The following ANKRD42 variants were observed in gnomAD, a reference collection of about 807,000 sequenced individuals.
The protein encoded by ANKRD42 is ankyrin repeat domain 42, also known as ankyrin repeat domain-containing protein 42.
Under a neutral mutation model 51.5 loss-of-function variants are expected in ANKRD42, and 43 were observed. That is an observed-to-expected ratio of 0.83 (90% CI 0.65 to 1.08). The LOEUF is 1.08. ANKRD42 is among the 50% of genes least tolerant of loss of function. The probability of loss-of-function intolerance (pLI) is 0.00; values close to 1 mark genes in which losing one functional copy is unlikely to be tolerated. For synonymous variants in ANKRD42, 203 were observed against 213.0 expected (o/e 0.95, Z 0.41); for missense variants, 608 against 629.3 (o/e 0.97, Z 0.36).
At chr11:83,205,225 C>A (rs759595763) in intron 2 of ANKRD42, among the ~76,000 whole-genome samples, 4 of 152,108 alleles carry the variant, frequency 2.6e-5, no homozygotes, top group Non-Finnish European at 5.9e-5. Context: ...TTCTCTAGTA[C>A]CTGAACAATG....
In ANKRD42 at chr11:83,244,997, C is replaced by T. The variant is rs181318877; in HGVS notation, c.1196-501C>T. ...TCGGCTCACTGCAGTCTCTGCCTCC[C>T]GGGTTCAAGTGATTTTCCTGCCTCA... On this transcript the variant is annotated intron_variant, in intron 9 of 10. Transcript: ENST00000533342. Among the ~76,000 whole-genome samples the T allele has an allele frequency of 2.6e-3, 389 of 152,082 alleles. 2 individuals carry two copies. The highest frequency in any genetic ancestry group is 8.5e-3 in the African/African-American group (353 of 41,468).
chr11:83,222,796 C>T (rs1862754567), intron 5 of ANKRD42, among the ~76,000 whole-genome samples: 1 of 152,164 alleles, frequency 6.6e-6, no homozygotes, highest in African/African-American at 2.4e-5. Context: ...TCTTTCCTGT[C>T]TTTCTCATTG....
chr11:83,210,368 T>C lies in ANKRD42; in HGVS notation c.399T>C (p.Ala133=), dbSNP rs371499312. The change falls in exon 4 of 11, where the codon GCT becomes GCC. Residue 133 remains alanine (A), a synonymous_variant. Coordinates refer to ENST00000533342, the MANE Select transcript of ANKRD42 (RefSeq NM_001300975.2). ...GGGGATGCACTCCTTTACATCTTGC[T>C]GCAACTCATGGACATTCTTTCACTT... ...DDRGCTPLHL[A]ATHGHSFTLQ... The C allele has an allele frequency of 6.2e-7, 1 of 1,614,076 alleles. No individual in the cohort carries two copies. Among genetic ancestry groups the C allele is most frequent in the South Asian group, 1.1e-5 (1 of 91,084 alleles).
intron 5 of ANKRD42, among the ~76,000 whole-genome samples, chr11:83,224,295 AATTTTACTTATTT>A (rs1232848511): frequency 2.0e-5 from 3 of 152,068 alleles, no homozygotes; most frequent in African/African-American, 7.2e-5. Context: ...CAAAATATTA[AATTTTACTTATTT>A]ATTTTACTTA....
Position 83,194,281 on chromosome 11 carries a change from A to G in ANKRD42, c.-390A>G. 1 of 479,296 alleles carries G rather than the reference A, an allele frequency of 2.1e-6. No individual in the cohort carries two copies. Among genetic ancestry groups the G allele is most frequent in the Non-Finnish European group, 4.1e-6 (1 of 242,424 alleles). The allele number at this position is 479,296 out of a possible 1,614,324, so 29.7% of individuals were successfully genotyped here. On this transcript the variant is annotated 5_prime_UTR_variant, in exon 1 of 11. Coordinates refer to ENST00000533342, the MANE Select transcript of ANKRD42 (RefSeq NM_001300975.2). ...CAGTGACATTCGGGACCCGCGAACT[A>G]GTGACTTCGGGGATAGAGTCAGTGA...
At chr11:83,198,247 C>T (rs1861736056) in intron 1 of ANKRD42, among the ~76,000 whole-genome samples, 1 of 152,142 alleles carries the variant, frequency 6.6e-6, no homozygotes, top group East Asian at 1.9e-4. Flanking sequence ...AAAAGTTGTT[C>T]ATTTTCTGTT....
At chr11:83,220,577 G>C (rs553659008) in intron 5 of ANKRD42, among the ~76,000 whole-genome samples, 10 of 152,292 alleles carry the variant, frequency 6.6e-5, no homozygotes, top group African/African-American at 2.4e-4. Flanking sequence ...AAAGTACAAA[G>C]CTTCCACGGC....
At chr11:83,226,781 CAAAGTGAG>C (rs1156390084) in intron 6 of ANKRD42, among the ~76,000 whole-genome samples, 7 of 144,512 alleles carry the variant, frequency 4.8e-5, no homozygotes, top group Non-Finnish European at 7.5e-5. Context: ...ACCTCAGTGA[CAAAGTGAG>C]ACCCTGCCTC....
intron 9 of ANKRD42, among the ~76,000 whole-genome samples, chr11:83,245,065 G>A (rs930930052): frequency 3.3e-5 from 5 of 152,040 alleles, no homozygotes; most frequent in East Asian, 3.9e-4. Context: ...CCACCACACC[G>A]GCTAATTTTT....
In ANKRD42 at chr11:83,225,065, T is replaced by C; in HGVS notation, c.787+10T>C. ...CTAGAGGATCAGGAAAGTAAGTAAT[T>C]AAGTTATATGTTCTAGCATATAATG... On this transcript the variant is annotated intron_variant, in intron 6 of 10. Coordinates refer to ENST00000533342, the MANE Select transcript of ANKRD42 (RefSeq NM_001300975.2). 1 of 1,603,294 alleles carries C rather than the reference T, an allele frequency of 6.2e-7. No homozygotes were observed. Among genetic ancestry groups the C allele is most frequent in the African/African-American group, 1.3e-5 (1 of 74,774 alleles).
chr11:83,240,733 GGTTA>G, intron 8 of ANKRD42, 22 bp from the exon 9 acceptor site: 2 of 1,612,084 alleles, frequency 1.2e-6, no homozygotes, highest in Non-Finnish European at 1.7e-6. Flanking sequence ...TTGTGGATCT[GGTTA>G]GTTATTGATT....
intron 2 of ANKRD42, among the ~76,000 whole-genome samples, chr11:83,202,207 A>G (rs946312602): frequency 3.3e-5 from 5 of 152,228 alleles, no homozygotes; most frequent in African/African-American, 9.6e-5. Flanking sequence ...AGTTTTCTGC[A>G]TATGGCTAGC....
intron 5 of ANKRD42, chr11:83,212,903 G>GT (rs537626867): frequency 0.068 from 62,441 of 915,204 alleles, 3 homozygotes; most frequent in South Asian, 0.12. Flanking sequence ...TATTTTGTAA[G>GT]TTTTTTTTTT....
intron 8 of ANKRD42, 31 bp from the exon 9 acceptor site, chr11:83,240,728 G>T (rs1565195271): frequency 1.9e-6 from 3 of 1,611,142 alleles, no homozygotes; most frequent in Non-Finnish European, 2.5e-6. Context: ...GAAGATTGTG[G>T]ATCTGGTTAG....
At position 83,210,334 on chromosome 11, in the gene ANKRD42, AGGATGACCGGGGAT is replaced by A; in HGVS notation, c.367_380del (p.Asp123HisfsTer29). 1 of 1,613,964 alleles carries A rather than the reference AGGATGACCGGGGAT, an allele frequency of 6.2e-7. No individual in the cohort carries two copies. The highest frequency in any genetic ancestry group is 8.5e-7 in the Non-Finnish European group (1 of 1,179,840). On this transcript the variant is annotated frameshift_variant, in exon 4 of 11. Coordinates refer to ENST00000533342, the MANE Select transcript of ANKRD42 (RefSeq NM_001300975.2). LOFTEE classifies it high-confidence loss of function. ...ATGAATGGAGCAAATCTGACAGCCC[AGGATGACCGGGGAT>A]GCACTCCTTTACATCTTGCTGCAAC...
intron 11 of ANKRD42, among the ~76,000 whole-genome samples, chr11:83,255,665 T>TA (rs1306824178): frequency 6.6e-6 from 1 of 152,188 alleles, no homozygotes; most frequent in Non-Finnish European, 1.5e-5. Flanking sequence ...TTCAGCACAA[T>TA]ATAATGCACT....
intron 5 of ANKRD42, among the ~76,000 whole-genome samples, chr11:83,223,795 T>C (rs1862788984): frequency 6.6e-6 from 1 of 152,184 alleles, no homozygotes; most frequent in South Asian, 2.1e-4. Context: ...TTCACCTGAA[T>C]TATACTGGCC....
chr11:83,256,185 T>C (rs1159310883), downstream of ANKRD42: 5 of 240,522 alleles, frequency 2.1e-5, no homozygotes, highest in Non-Finnish European at 3.2e-5. Context: ...GTAATTAATT[T>C]TACAAGTATT....
chr11:83,225,829 C>T lies in ANKRD42; in HGVS notation c.787+774C>T, dbSNP rs79577804. Among the ~76,000 whole-genome samples, 806 of 150,406 alleles carry T rather than the reference C, an allele frequency of 5.4e-3. 11 individuals carry two copies. Among genetic ancestry groups the T allele is most frequent in the African/African-American group, 0.019 (776 of 40,958 alleles). ...AAGGAATAAAATATAGAGTTGAAGC[C>T]CTTTGGAGCTCTCTCCCTAATACCA... On this transcript the variant is annotated intron_variant, in intron 6 of 10. Coordinates refer to ENST00000533342, the MANE Select transcript of ANKRD42 (RefSeq NM_001300975.2).
Sources: allele counts gnomAD v4.1 joint callset (sites outside exome capture counted in the v4.1 genomes callset), GRCh38; gene constraint gnomAD v4.1.1; transcripts MANE v1.5; gene names NCBI Gene and HGNC (gene_info 2026-07-23, HGNC 2026-07-21).